Variants in ABAT observed in about 807,000 individuals in gnomAD.
The protein encoded by ABAT is 4-aminobutyrate aminotransferase.
Under a neutral mutation model 64.6 loss-of-function variants are expected in ABAT, and 45 were observed. The observed-to-expected ratio is 0.70, with a 90% confidence interval of 0.55 to 0.89. ABAT has a LOEUF of 0.89. Ranked by LOEUF, ABAT falls within the 40% of genes least tolerant of loss-of-function variation. The pLI, the probability that ABAT is intolerant of heterozygous loss-of-function variation, is 0.00. For missense variants in ABAT, 633 were observed against 658.4 expected (o/e 0.96, Z 0.42); for synonymous variants, 297 against 250.5 (o/e 1.19, Z -1.75).
rs2058916802 is a variant in ABAT, at chr16:8,735,980, G to C, written c.70+171G>C. Reference sequence around the variant, plus strand: ...ATGCTGCTAATAAAGGTACACCTGAGACTGGGTATTTTATGAAGAAAAAGA... The same window carrying C: ...ATGCTGCTAATAAAGGTACACCTGACACTGGGTATTTTATGAAGAAAAAGA... On this transcript the variant is annotated intron_variant, in intron 2 of 15. Coordinates refer to ENST00000268251, the MANE Select transcript of ABAT (RefSeq NM_020686.6). The C allele has an allele frequency of 7.9e-6, 5 of 629,158 alleles. No individual in the cohort carries two copies. The East Asian group carries it at 1.4e-4, about 18-fold the overall frequency. The allele number at this position is 629,158 out of a possible 1,614,324, so 39.0% of individuals were successfully genotyped here.
intron 10 of ABAT, 58 bp downstream of exon 10, chr16:8,768,314 A>G (rs1282434284): frequency 1.3e-6 from 2 of 1,555,148 alleles, no homozygotes; most frequent in Non-Finnish European, 1.8e-6. Context: ...AATAACGGCA[A>G]CAATAGCGGC....
chr16:8,771,377 C>G (rs576700950), intron 11 of ABAT, among the ~76,000 whole-genome samples: 1 of 151,512 alleles, frequency 6.6e-6, no homozygotes, highest in East Asian at 1.9e-4. Flanking sequence ...AAAATCATAT[C>G]ACCCAAACAG....
rs1230193348 is a variant in ABAT, at chr16:8,776,881, T to C, written c.1269+391T>C. Among the ~76,000 whole-genome samples the C allele has an allele frequency of 6.6e-6, 1 of 151,252 alleles. No individual in the cohort carries two copies. The highest frequency in any genetic ancestry group is 1.5e-5 in the Non-Finnish European group (1 of 67,816). ...CTGCCGGCACTGGTTATCTTTCTTA[T>C]TTATTTTATTTTATTTTATTTGTCT... On this transcript the variant is annotated intron_variant, in intron 14 of 15. Transcript: ENST00000268251. This position sits in a 1 kb window ranked among gnomAD's most constrained non-coding sequence, Gnocchi z 4.4.
Position 8,710,683 on chromosome 16 carries a change from T to TGAGAGAGAGA in ABAT, c.-41-25015_-41-25006dup, listed in dbSNP as rs762237876. ...TGAGTCCAGGAGGTTAAGGCTGCAC[T>TGAGAGAGAGA]GAGAGAGAGACAGAGAGAGAGAGAG... On this transcript the variant is annotated intron_variant, in intron 1 of 15. Coordinates refer to ENST00000268251, the MANE Select transcript of ABAT (RefSeq NM_020686.6). Among the ~76,000 whole-genome samples the TGAGAGAGAGA allele has an allele frequency of 1.4e-3, 119 of 87,816 alleles. 7 individuals carry two copies. Among genetic ancestry groups the TGAGAGAGAGA allele is most frequent in the East Asian group, 3.9e-3 (7 of 1,818 alleles). The allele number at this position is 87,816 out of a possible 152,430, so 57.6% of individuals were successfully genotyped here. A position where few individuals can be genotyped will look rare whatever the true frequency, so the allele number is the denominator to read the frequency against.
intron 1 of ABAT, among the ~76,000 whole-genome samples, chr16:8,675,952 G>C (rs978957752): frequency 3.9e-5 from 6 of 152,122 alleles, no homozygotes; most frequent in Admixed American, 1.3e-4. Context: ...AATGGGTGCT[G>C]CTGGGCCCAT....
In ABAT at chr16:8,753,986, G is replaced by C. The variant is rs539642055; in HGVS notation, c.316+3447G>C. Among the ~76,000 whole-genome samples the C allele has an allele frequency of 8.5e-5, 13 of 152,072 alleles. 1 individual carries two copies. The East Asian group carries it at 2.5e-3, about 30-fold the overall frequency. On this transcript the variant is annotated intron_variant, in intron 5 of 15. Coordinates refer to ENST00000268251, the MANE Select transcript of ABAT (RefSeq NM_020686.6). ...GGCCCAGGCTCAGAGGCTTGGGCAGGCAACAGAAAGATTGTTCCTACTGCA... is the reference window on the plus strand; with the variant it reads ...GGCCCAGGCTCAGAGGCTTGGGCAGCCAACAGAAAGATTGTTCCTACTGCA...
At chr16:8,734,181 G>A (rs777597884) in intron 1 of ABAT, among the ~76,000 whole-genome samples, 5 of 152,166 alleles carry the variant, frequency 3.3e-5, no homozygotes, top group Non-Finnish European at 7.3e-5. Flanking sequence ...TTGCTGGCAC[G>A]TGAAAGAAGC....
intron 1 of ABAT, among the ~76,000 whole-genome samples, chr16:8,716,831 G>A (rs1394147452): frequency 6.6e-6 from 1 of 152,176 alleles, no homozygotes; most frequent in Non-Finnish European, 1.5e-5. Flanking sequence ...CTGATGCAAT[G>A]CGTCAGCCCG....
In ABAT at chr16:8,737,972, G is replaced by GAAA; in HGVS notation, c.70+2163_70+2164insAAA. Among the ~76,000 whole-genome samples, 3 of 60,792 alleles carry GAAA rather than the reference G, an allele frequency of 4.9e-5. 1 individual carries two copies. The highest frequency in any genetic ancestry group is 2.4e-4 in the African/African-American group (3 of 12,364). The allele number at this position is 60,792 out of a possible 152,430, so 39.9% of individuals were successfully genotyped here. On this transcript the variant is annotated intron_variant, in intron 2 of 15. Coordinates refer to ENST00000268251, the MANE Select transcript of ABAT (RefSeq NM_020686.6). ...AGAAAGGAAGGAAGGAAGGAAGGAA[G>GAAA]GAAGGAAGGAAGGAAGGAGGAAAGA...
At chr16:8,769,020 C>T (rs575548073) in intron 11 of ABAT, 47 bp downstream of exon 11, 2 of 1,612,418 alleles carry the variant, frequency 1.2e-6, no homozygotes, top group African/African-American at 1.3e-5. Context: ...AGTCCTGTTG[C>T]TCTTGCCGCC....
At chr16:8,773,216 A>C (rs929594113) in intron 12 of ABAT, among the ~76,000 whole-genome samples, 1 of 150,878 alleles carries the variant, frequency 6.6e-6, no homozygotes, top group Non-Finnish European at 1.5e-5. Flanking sequence ...CAGTGGTGCA[A>C]TCTCAGCTCA....
At chr16:8,700,305 C>T (rs1465944729) in intron 1 of ABAT, among the ~76,000 whole-genome samples, 1 of 152,172 alleles carries the variant, frequency 6.6e-6, no homozygotes, top group Non-Finnish European at 1.5e-5. Context: ...ATATTCTCTT[C>T]CTCCTTTTAT....
At position 8,684,819 on chromosome 16, in the gene ABAT, AG is replaced by A. The variant is rs968523952; in HGVS notation, c.-42+10110del. Reference sequence around the variant, plus strand: ...ATTAGGCTCATTCAATGAGGGAACCAGGCAGACATTAGAACCAGTTCAAAGG... The same window carrying A: ...ATTAGGCTCATTCAATGAGGGAACCAGCAGACATTAGAACCAGTTCAAAGG... On this transcript the variant is annotated intron_variant, in intron 1 of 15. Transcript: ENST00000268251. Among the ~76,000 whole-genome samples, 24 of 152,186 alleles carry A rather than the reference AG, an allele frequency of 1.6e-4. 1 individual carries two copies. Among genetic ancestry groups the A allele is most frequent in the Non-Finnish European group, 7.3e-5 (5 of 68,034 alleles).
intron 2 of ABAT, among the ~76,000 whole-genome samples, chr16:8,742,790 C>T (rs1043395230): frequency 2.7e-5 from 4 of 146,336 alleles, no homozygotes; most frequent in South Asian, 2.1e-4. Flanking sequence ...TGCTTGAAAC[C>T]GGGATGCAGA....
rs576244933 is a variant in ABAT at position 8,679,616 on chromosome 16, A to C, written c.-42+4905A>C. ...GGATTACATAAAACCATGTGTTCCGACCCCCAGTACTTAGTAGGTGCTTAA... is the reference window on the plus strand; with the variant it reads ...GGATTACATAAAACCATGTGTTCCGCCCCCCAGTACTTAGTAGGTGCTTAA... On this transcript the variant is annotated intron_variant, in intron 1 of 15. Transcript: ENST00000268251. Among the ~76,000 whole-genome samples, 4 of 150,152 alleles carry C rather than the reference A, an allele frequency of 2.7e-5. No individual in the cohort carries two copies. The South Asian group carries it at 8.4e-4, about 32-fold the overall frequency.
chr16:8,769,233 C>T (rs1008391042), intron 11 of ABAT, among the ~76,000 whole-genome samples: 5 of 152,146 alleles, frequency 3.3e-5, no homozygotes, highest in African/African-American at 1.2e-4. Flanking sequence ...TCTTGGAAGA[C>T]AAGAGTCAAT....
chr16:8,741,366 A>G (rs1040409247), intron 2 of ABAT, among the ~76,000 whole-genome samples: 5 of 152,242 alleles, frequency 3.3e-5, no homozygotes, highest in African/African-American at 1.2e-4. Flanking sequence ...AGTTCCATTC[A>G]TAGCTTCTAG....
intron 1 of ABAT, among the ~76,000 whole-genome samples, chr16:8,704,107 G>A (rs917723220): frequency 6.6e-6 from 1 of 152,146 alleles, no homozygotes; most frequent in Non-Finnish European, 1.5e-5. Flanking sequence ...GTCAACTGCA[G>A]GTGCACTAAA....
intron 1 of ABAT, among the ~76,000 whole-genome samples, chr16:8,715,995 A>G (rs12149040): frequency 0.12 from 17,671 of 152,152 alleles, 1,497 homozygotes; most frequent in African/African-American, 0.23. Flanking sequence ...GAGGATTACA[A>G]GCGGCTGTGG....
Sources: allele counts gnomAD v4.1 joint callset (sites outside exome capture counted in the v4.1 genomes callset), GRCh38; gene constraint gnomAD v4.1.1; non-coding constraint Gnocchi (gnomAD v3.1); transcripts MANE v1.5; gene names NCBI Gene and HGNC (gene_info 2026-07-23, HGNC 2026-07-21).